SPAG16: variants seen among roughly 807,000 people sequenced by gnomAD.
SPAG16 encodes sperm associated antigen 16.
Under a neutral mutation model 80.4 loss-of-function variants are expected in SPAG16, and 86 were observed. The observed-to-expected ratio is 1.07, with a 90% confidence interval of 0.90 to 1.28. The LOEUF is 1.28. Among genes scored for constraint, SPAG16 ranks in the 50% most tolerant of loss-of-function variants. The pLI is 0.00. For missense variants in SPAG16, 870 were observed against 765.3 expected (o/e 1.14, Z -1.61); for synonymous variants, 294 against 265.9 (o/e 1.11, Z -1.03).
chr2:213,490,708 G>A (rs758909206), intron 10 of SPAG16, among the ~76,000 whole-genome samples: 1 of 151,768 alleles, frequency 6.6e-6, no homozygotes, highest in Non-Finnish European at 1.5e-5. Context: ...TCATTAAGTG[G>A]CCAGCTTTTG....
chr2:213,587,416 G>C (rs1315308648), intron 10 of SPAG16, among the ~76,000 whole-genome samples: 3 of 152,164 alleles, frequency 2.0e-5, no homozygotes, highest in Admixed American at 2.0e-4. Flanking sequence ...GCAGGAAGCA[G>C]AGCCCATGAT....
chr2:214,226,954 T>C (rs1385154052), intron 15 of SPAG16, among the ~76,000 whole-genome samples: 1 of 152,058 alleles, frequency 6.6e-6, no homozygotes, highest in East Asian at 1.9e-4. Flanking sequence ...GATTGCCAAG[T>C]ATGAATCAAA....
At chr2:213,521,563 T>A (rs2075670670) in intron 10 of SPAG16, among the ~76,000 whole-genome samples, 2 of 152,230 alleles carry the variant, frequency 1.3e-5, no homozygotes, top group Non-Finnish European at 2.9e-5. Context: ...CATGTTTGTA[T>A]GTCGTGCACT....
intron 10 of SPAG16, among the ~76,000 whole-genome samples, chr2:213,675,396 A>C (rs1006525775): frequency 2.0e-4 from 31 of 152,120 alleles, no homozygotes; most frequent in East Asian, 5.8e-4. Flanking sequence ...TTAATTAGAT[A>C]CCATTTGTCA....
At chr2:213,287,791 C>T (rs866670516) in intron 1 of SPAG16, among the ~76,000 whole-genome samples, 1 of 152,082 alleles carries the variant, frequency 6.6e-6, no homozygotes, top group African/African-American at 2.4e-5. Context: ...GACTCTAGAC[C>T]CTGAAATATG....
At chr2:213,973,686 C>A (rs980291709) in intron 12 of SPAG16, among the ~76,000 whole-genome samples, 1 of 149,164 alleles carries the variant, frequency 6.7e-6, no homozygotes, top group East Asian at 2.0e-4. Flanking sequence ...ATACTTTTGA[C>A]TGTTTCTGGA....
rs2062544604 is a variant in SPAG16, at chr2:213,297,294, TGAA to T, written c.222_224del (p.Glu74del). 1.2e-6 allele frequency: 2 copies of T among 1,612,832 alleles called. No homozygotes were observed. The highest frequency in any genetic ancestry group is 1.7e-6 in the Non-Finnish European group (2 of 1,179,200). On this transcript the variant is annotated inframe_deletion, in exon 3 of 16. Coordinates refer to ENST00000331683, the MANE Select transcript of SPAG16 (RefSeq NM_024532.5). ...ATGACAATTTTAGCATCCCAGAAGG[TGAA>T]GAAGATCTGGCAAAAGCAATTCAGA...
chr2:213,825,778 G>A (rs1021774131), intron 10 of SPAG16, among the ~76,000 whole-genome samples: 7 of 149,044 alleles, frequency 4.7e-5, no homozygotes, highest in African/African-American at 7.4e-5. Flanking sequence ...CATATAATGG[G>A]TTCGGAAAAA....
intron 15 of SPAG16, among the ~76,000 whole-genome samples, chr2:214,173,809 T>C (rs181390021): frequency 6.6e-6 from 1 of 151,992 alleles, no homozygotes; most frequent in African/African-American, 2.4e-5. Flanking sequence ...TGATGAACAT[T>C]GATGCAAAAA....
intron 15 of SPAG16, among the ~76,000 whole-genome samples, chr2:214,343,914 G>C (rs931294482): frequency 1.3e-5 from 2 of 152,164 alleles, no homozygotes; most frequent in African/African-American, 4.8e-5. Context: ...ACTAAGGTGA[G>C]AGTACATATT....
At chr2:213,754,394 T>C (rs987494915) in intron 10 of SPAG16, among the ~76,000 whole-genome samples, 1 of 152,194 alleles carries the variant, frequency 6.6e-6, no homozygotes, top group African/African-American at 2.4e-5. Flanking sequence ...AAAATGAGGA[T>C]TTGCTCATTT....
intron 14 of SPAG16, among the ~76,000 whole-genome samples, chr2:214,140,034 T>C (rs1245279951): frequency 6.6e-6 from 1 of 152,212 alleles, no homozygotes; most frequent in African/African-American, 2.4e-5. Flanking sequence ...TGGTTTATTA[T>C]ATTACCTGAA....
intron 14 of SPAG16, among the ~76,000 whole-genome samples, chr2:214,109,821 G>A (rs2053573905): frequency 1.3e-5 from 2 of 152,100 alleles, no homozygotes; most frequent in Admixed American, 6.6e-5. Flanking sequence ...AAAAATTTAA[G>A]CACTATGGAC....
chr2:214,005,542 G>T (rs543699612), intron 12 of SPAG16, among the ~76,000 whole-genome samples: 2 of 152,276 alleles, frequency 1.3e-5, no homozygotes, highest in South Asian at 4.1e-4. Flanking sequence ...CTCAGACCAC[G>T]TGATTTTCAT....
chr2:214,204,934 T>TA (rs1042189023), intron 15 of SPAG16, among the ~76,000 whole-genome samples: 1 of 151,820 alleles, frequency 6.6e-6, no homozygotes, highest in Non-Finnish European at 1.5e-5. Context: ...AATCAAAAAA[T>TA]AAAAAATAAA....
intron 15 of SPAG16, among the ~76,000 whole-genome samples, chr2:214,235,671 G>T: frequency 6.6e-6 from 1 of 151,928 alleles, no homozygotes; most frequent in East Asian, 1.9e-4. Flanking sequence ...TGGTCGCCAA[G>T]GTTTTTTTTT....
chr2:213,339,287 C>T (rs1425887492), intron 5 of SPAG16, among the ~76,000 whole-genome samples: 9 of 152,170 alleles, frequency 5.9e-5, no homozygotes, highest in Admixed American at 5.9e-4. Context: ...AATTGTGACC[C>T]AGAGAAGTAG....
intron 10 of SPAG16, among the ~76,000 whole-genome samples, chr2:213,731,463 T>TG (rs57639856): frequency 0.89 from 131,512 of 147,850 alleles, 59,584 homozygotes; most frequent in East Asian, 0.99. Context: ...TCCAGCTGTT[T>TG]TTTTTTTTTT....
chr2:213,285,618 C>T (rs2062027488), intron 1 of SPAG16, among the ~76,000 whole-genome samples: 1 of 152,186 alleles, frequency 6.6e-6, no homozygotes, highest in African/African-American at 2.4e-5. Flanking sequence ...GCCGATTAAC[C>T]TGTCCTGACT....
Sources: allele counts gnomAD v4.1 joint callset (sites outside exome capture counted in the v4.1 genomes callset), GRCh38; gene constraint gnomAD v4.1.1; transcripts MANE v1.5; gene names NCBI Gene and HGNC (gene_info 2026-07-23, HGNC 2026-07-21).